Variants in TRPV3 observed in about 807,000 individuals in gnomAD.
TRPV3 encodes transient receptor potential cation channel subfamily V member 3.
In TRPV3, 88 loss-of-function variants were observed where a neutral mutation model predicts 87.1. The ratio of observed to expected loss-of-function variants is 1.01; its 90% CI spans 0.85 to 1.21. The LOEUF is 1.21. Among genes scored for constraint, TRPV3 ranks in the 50% most tolerant of loss-of-function variants. TRPV3 has a pLI of 0.00. For missense variants in TRPV3, 1,054 were observed against 1,030.1 expected (o/e 1.02, Z -0.32); for synonymous variants, 438 against 423.3 (o/e 1.03, Z -0.43).
chr17:3,532,845 C>A lies in TRPV3; in HGVS notation c.877G>T (p.Asp293Tyr), dbSNP rs775329050. The change falls in exon 8 of 18, where the codon GAC (aspartate) becomes TAC (tyrosine). Residue 293 changes from aspartate to tyrosine, a missense_variant. Asp to Tyr is a radical substitution (Grantham distance 160, BLOSUM62 -3). Coordinates refer to ENST00000576742, the MANE Select transcript of TRPV3 (RefSeq NM_145068.4). Reference protein sequence around the residue: ...EHEQTDITSRDSRGNNILHAL... With the variant: ...EHEQTDITSRYSRGNNILHAL... Reference sequence around the variant, plus strand: ...TGAAGGATGTTGTTGCCTCGTGAGTCCCGCGAGGTGATGTCCGTCTGCTCG... The same window carrying A: ...TGAAGGATGTTGTTGCCTCGTGAGTACCGCGAGGTGATGTCCGTCTGCTCG... 1 of 1,614,238 alleles carries A rather than the reference C, an allele frequency of 6.2e-7. No individual in the cohort carries two copies.
rs760726969 is a variant in TRPV3, at chr17:3,543,498, G to C, written c.442C>G (p.Arg148Gly). The C allele has an allele frequency of 6.2e-7, 1 of 1,613,538 alleles. No individual in the cohort carries two copies. ...LLVELQELCR[R>G]RHDEDVPDFL... is the part of the protein sequence containing the mutation. ...CCAGGCACATCCTCATCATGGCGCC[G>C]CCTGCAAAGCTCCTGCAGCTCCACC... Residue 148 changes from arginine (R) to glycine (G), a missense_variant, in exon 5 of 18, where the codon CGG (arginine) becomes GGG (glycine). Coordinates refer to ENST00000576742, the MANE Select transcript of TRPV3 (RefSeq NM_145068.4).
At chr17:3,532,570 C>T in intron 8 of TRPV3, 87 bp downstream of exon 8, 2 of 1,491,738 alleles carry the variant, frequency 1.3e-6, no homozygotes, top group Non-Finnish European at 1.8e-6. Context: ...GTTTGTGAAT[C>T]CCCAGTAAGG....
At position 3,532,945 on chromosome 17, in the gene TRPV3, A is replaced by G; in HGVS notation, c.785-8T>C. The G allele has an allele frequency of 6.2e-7, 1 of 1,612,706 alleles. No individual in the cohort carries two copies. The highest frequency in any genetic ancestry group is 8.5e-7 in the Non-Finnish European group (1 of 1,179,572). ...GGGCCAGGGGCGTCTCACCTGGGGG[A>G]TGAGCGCACTGAAGCTTGGTTCTCT... On this transcript the variant is annotated splice_polypyrimidine_tract_variant and splice_region_variant and intron_variant, in intron 7 of 17. Coordinates refer to ENST00000576742, the MANE Select transcript of TRPV3 (RefSeq NM_145068.4).
chr17:3,544,614 A>G lies in TRPV3; in HGVS notation c.276T>C (p.Asp92=), dbSNP rs2074504808. 4 of 1,608,816 alleles carry G rather than the reference A, an allele frequency of 2.5e-6. No individual in the cohort carries two copies. The highest frequency in any genetic ancestry group is 3.4e-6 in the Non-Finnish European group (4 of 1,178,802). Residue 92 remains aspartate, a synonymous_variant, in exon 4 of 18, where the codon GAT becomes GAC. Transcript: ENST00000576742. ...DMDSPQSPQD[D]VTETPSNPNS... is the part of the protein sequence containing the mutation. ...TGGGATTGGATGGGGTCTCTGTCAC[A>G]TCATCCTGAGGAGACTGGGGGGAGT... is the stretch of plus-strand genomic sequence containing the variant.
chr17:3,546,165 C>T (rs981738558), intron 2 of TRPV3, among the ~76,000 whole-genome samples: 3 of 151,934 alleles, frequency 2.0e-5, no homozygotes, highest in African/African-American at 4.8e-5. Flanking sequence ...CAAACATAGA[C>T]GCATGGTGGC....
chr17:3,530,022 C>A lies in TRPV3; in HGVS notation c.1242+5G>T, dbSNP rs1328419498. ...TGCCCTTCCCCGCCTGTGCAGGAGA[C>A]CCACGTCGATGTTGGTGTTGTAGAC... On this transcript the variant is annotated splice_donor_5th_base_variant and intron_variant, in intron 9 of 17. Transcript: ENST00000576742. The surrounding 1 kb of genome is among the most constrained non-coding windows in gnomAD (Gnocchi z 4.0). 3 of 1,610,290 alleles carry A rather than the reference C, an allele frequency of 1.9e-6. No homozygotes were observed. Among genetic ancestry groups the A allele is most frequent in the South Asian group, 1.1e-5 (1 of 90,280 alleles).
rs1475753941 is a variant in TRPV3, at chr17:3,544,106, G to T, written c.311+473C>A. Among the ~76,000 whole-genome samples the T allele has an allele frequency of 3.6e-5, 4 of 111,078 alleles. No individual in the cohort carries two copies. In the South Asian group the frequency reaches 1.3e-3, roughly 35 times the overall value. The allele number at this position is 111,078 out of a possible 152,430, so 72.9% of individuals were successfully genotyped here. ...TCACTACAACCTCCACCTCCAGGGT[G>T]CAAGCAATTCTCCTGCCTCAGCCTC... On this transcript the variant is annotated intron_variant, in intron 4 of 17. Transcript: ENST00000576742.
At position 3,528,765 on chromosome 17, in the gene TRPV3, C is replaced by G. The variant is rs552096601; in HGVS notation, c.1401+72G>C. 3.2e-6 allele frequency: 5 copies of G among 1,579,070 alleles called. No individual in the cohort carries two copies. The highest frequency in any genetic ancestry group is 4.3e-6 in the Non-Finnish European group (5 of 1,158,798). The stretch of plus-strand genomic sequence containing the variant: ...TCTCTCTGGGCCTCAGTTTTCCCAC[C>G]TGCACGTGGGGCAGCTCCAAGCCCC... On this transcript the variant is annotated intron_variant, in intron 10 of 17. Coordinates refer to ENST00000576742, the MANE Select transcript of TRPV3 (RefSeq NM_145068.4). This position sits in a 1 kb window ranked among gnomAD's most constrained non-coding sequence, Gnocchi z 4.2.
At chr17:3,535,757 C>G in intron 6 of TRPV3, 44 bp from the exon 7 acceptor site, 1 of 1,420,778 alleles carries the variant, frequency 7.0e-7, no homozygotes, top group Non-Finnish European at 9.2e-7. Context: ...GCGCCGGGCA[C>G]AGGGGCCTCT....
rs1158523449 is a variant in TRPV3, at chr17:3,530,512, G to C, written c.1066-309C>G. Among the ~76,000 whole-genome samples, 1 of 152,176 alleles carries C rather than the reference G, an allele frequency of 6.6e-6. No homozygotes were observed. Among genetic ancestry groups the C allele is most frequent in the Admixed American group, 6.5e-5 (1 of 15,280 alleles). ...CTCACGCCAGCTGGGGACCCGGTTC[G>C]GTGAAAAATCCAGGCACTGATGATT... On this transcript the variant is annotated intron_variant, in intron 8 of 17. Transcript: ENST00000576742. This position sits in a 1 kb window ranked among gnomAD's most constrained non-coding sequence, Gnocchi z 4.0.
At chr17:3,516,389 T>A in intron 16 of TRPV3, 68 bp downstream of exon 16, 5 of 1,225,468 alleles carry the variant, frequency 4.1e-6, no homozygotes, top group Non-Finnish European at 6.0e-6. Context: ...TCTAACATCC[T>A]GTCACCATCC....
rs773184244 is a variant in TRPV3, at chr17:3,518,600, C to G, written c.2061G>C (p.Glu687Asp). 3.8e-6 allele frequency: 6 copies of G among 1,563,114 alleles called. No individual in the cohort carries two copies. The highest frequency in any genetic ancestry group is 3.3e-4 in the Middle Eastern group (2 of 6,018). Residue 687 changes from glutamate to aspartate, a missense_variant, in exon 15 of 18, where the codon GAG becomes GAC. By Grantham distance (45) the Glu-to-Asp change is conservative (BLOSUM62 2). Coordinates refer to ENST00000576742, the MANE Select transcript of TRPV3 (RefSeq NM_145068.4). This position sits in a 1 kb window ranked among gnomAD's most constrained non-coding sequence, Gnocchi z 4.3. ...MGETVENVSK[E>D]SERIWRLQRA... ...CCTGCAGGCGCCAGATGCGTTCGCTCTCCTTGGAGACGTTCTCCACAGTCT... is the reference window on the plus strand; with the variant it reads ...CCTGCAGGCGCCAGATGCGTTCGCTGTCCTTGGAGACGTTCTCCACAGTCT...
chr17:3,545,890 T>A (rs1597489440), intron 2 of TRPV3, among the ~76,000 whole-genome samples: 1 of 147,926 alleles, frequency 6.8e-6, no homozygotes, highest in South Asian at 2.1e-4. Flanking sequence ...CTCGGGAGGC[T>A]GAGACAGGAG....
Position 3,543,630 on chromosome 17 carries a change from T to C in TRPV3, c.312-2A>G. On this transcript the variant is annotated splice_acceptor_variant, in intron 4 of 17. Coordinates refer to ENST00000576742, the MANE Select transcript of TRPV3 (RefSeq NM_145068.4). LOFTEE classifies it high-confidence loss of function. ...TGCTCTTCCTTGGCCAGCTGTGCAC[T>C]GAAGCCAGAAAATGTTTCCAACTCA... The C allele has an allele frequency of 6.2e-7, 1 of 1,613,892 alleles. No individual in the cohort carries two copies. The highest frequency in any genetic ancestry group is 8.5e-7 in the Non-Finnish European group (1 of 1,179,886).
intron 8 of TRPV3, among the ~76,000 whole-genome samples, chr17:3,532,225 C>T (rs557970015): frequency 7.9e-5 from 12 of 152,352 alleles, no homozygotes; most frequent in Non-Finnish European, 1.3e-4. Flanking sequence ...GAGTTCCAAC[C>T]GCACAAACAG....
rs974623433 is a variant in TRPV3 at position 3,530,358 on chromosome 17, G to A, written c.1066-155C>T. ...CCTGGCGCCATGGCCCCTGGGCCCC[G>A]TCTTTATCTGTGGAATGCGCACAAA... On this transcript the variant is annotated intron_variant, in intron 8 of 17. Coordinates refer to ENST00000576742, the MANE Select transcript of TRPV3 (RefSeq NM_145068.4). The surrounding 1 kb of genome is among the most constrained non-coding windows in gnomAD (Gnocchi z 4.0). 35 of 653,046 alleles carry A rather than the reference G, an allele frequency of 5.4e-5. No individual in the cohort carries two copies. The highest frequency in any genetic ancestry group is 3.8e-4 in the Middle Eastern group (1 of 2,616). The allele number at this position is 653,046 out of a possible 1,614,324, so 40.5% of individuals were successfully genotyped here.
chr17:3,530,831 G>A lies in TRPV3; in HGVS notation c.1066-628C>T, dbSNP rs1307720017. 6.6e-6 allele frequency among the ~76,000 whole-genome samples: 1 copy of A among 152,102 alleles called. No individual in the cohort carries two copies. Among genetic ancestry groups the A allele is most frequent in the African/African-American group, 2.4e-5 (1 of 41,420 alleles). ...AGCACTTTGGGAGGCCGAGGCGGGT[G>A]GATCATTTGAGGTCAGGAGTTCGAG... On this transcript the variant is annotated intron_variant, in intron 8 of 17. Transcript: ENST00000576742. This position sits in a 1 kb window ranked among gnomAD's most constrained non-coding sequence, Gnocchi z 4.0.
chr17:3,543,453 C>G, intron 5 of TRPV3, 21 bp downstream of exon 5: 1 of 1,611,352 alleles, frequency 6.2e-7, no homozygotes, highest in South Asian at 1.1e-5. Context: ...CCTGCACCCT[C>G]TGCCAGGCTC....
At chr17:3,541,891 A>C (rs1225757478) in intron 6 of TRPV3, among the ~76,000 whole-genome samples, 1 of 152,158 alleles carries the variant, frequency 6.6e-6, no homozygotes, top group Non-Finnish European at 1.5e-5. Flanking sequence ...GTAATATTTT[A>C]AATCTAAAAT....
Sources: gnomAD v4.1 joint callset for allele counts (sites outside exome capture counted in the v4.1 genomes callset) on GRCh38, gnomAD v4.1.1 for gene constraint, Gnocchi (gnomAD v3.1) non-coding constraint, MANE v1.5 for transcripts, NCBI Gene and HGNC (gene_info 2026-07-23, HGNC 2026-07-21) for gene names.